The following DCAF8L1 variants were observed in gnomAD, a reference collection of about 807,000 sequenced individuals.
DCAF8L1 encodes the protein DDB1 and CUL4 associated factor 8 like 1.
For missense variants in DCAF8L1, 434 were observed against 481.6 expected (o/e 0.90, Z 0.92); for synonymous variants, 217 against 186.8 (o/e 1.16, Z -1.32).
Position 27,981,359 on chromosome X carries a change from A to G in DCAF8L1, c.-25T>C, listed in dbSNP as rs772134980. ...TCTCGAACGATGTTTGCTGTAGCTG[A>G]TCTGGAACTGGAAAAGCCAACCCCT... is the stretch of plus-strand genomic sequence containing the variant. On this transcript the variant is annotated 5_prime_UTR_variant, in exon 1 of 1. Coordinates refer to ENST00000441525, the MANE Select transcript of DCAF8L1 (RefSeq NM_001017930.2). 1 of 1,191,737 alleles carries G rather than the reference A, an allele frequency of 8.4e-7. No individual in the cohort carries two copies. The highest frequency in any genetic ancestry group is 2.3e-5 in the Admixed American group (1 of 43,702).
rs1333520790 is a variant in DCAF8L1 at position 27,981,202 on chromosome X, C to T, written c.133G>A (p.Glu45Lys). The T allele has an allele frequency of 1.7e-6, 2 of 1,211,831 alleles. No individual in the cohort carries two copies. The highest frequency in any genetic ancestry group is 3.5e-5 in the African/African-American group (2 of 57,803). Residue 45 changes from glutamate to lysine, a missense_variant, in exon 1 of 1, where the codon GAG becomes AAG. Coordinates refer to ENST00000441525, the MANE Select transcript of DCAF8L1 (RefSeq NM_001017930.2). ...ASSDIEMAATEPSTGDGGDTR... is the reference protein window; with the variant it reads ...ASSDIEMAATKPSTGDGGDTR... ...TCACCACCATCTCCGGTCGATGGCT[C>T]TGTGGCTGCCATTTCAATGTCTGAG...
Position 27,979,172 on chromosome X carries a change from C to T in DCAF8L1, c.*360G>A, listed in dbSNP as rs1273365280. ...AAGAACTATGGTTTGCCTTATTTTA[C>T]CTCTAAAGAATAAACACGTTTATGA... On this transcript the variant is annotated 3_prime_UTR_variant, in exon 1 of 1. Transcript: ENST00000441525. 2.7e-5 allele frequency: 7 copies of T among 259,460 alleles called. No homozygotes were observed. Among genetic ancestry groups the T allele is most frequent in the Non-Finnish European group, 4.1e-5 (6 of 147,184 alleles). 21.4% of individuals were successfully genotyped at this position (259,460 alleles called of 1,213,427 possible). A position where few individuals can be genotyped will look rare whatever the true frequency, so the allele number is the denominator to read the frequency against.
In DCAF8L1 at chrX:27,978,211, A is replaced by T. The variant is rs1326750710; in HGVS notation, c.*1321T>A. 1 of 111,302 alleles carries T rather than the reference A, an allele frequency of 9.0e-6. No homozygotes were observed. The highest frequency in any genetic ancestry group is 1.9e-5 in the Non-Finnish European group (1 of 53,096). The allele number at this position is 111,302 out of a possible 1,213,427, so 9.2% of individuals were successfully genotyped here. On this transcript the variant is annotated 3_prime_UTR_variant, in exon 1 of 1. Transcript: ENST00000441525. The stretch of plus-strand genomic sequence containing the variant: ...GCAACAATTTTTAAAACAAACTCAT[A>T]AAACAGCTAAATTTTAAGCAATGCA...
rs1401645275 is a variant in DCAF8L1, at chrX:27,981,330, G to T, written c.5C>A (p.Ser2Tyr). The change falls in exon 1 of 1, where the codon TCC becomes TAC. Residue 2 changes from serine to tyrosine, a missense_variant. By Grantham distance (144) the Ser-to-Tyr change is moderately radical. Transcript: ENST00000441525. Reference sequence around the variant, plus strand: ...GCCACCTGTGCTGCCCTCTTGGTGGGACATCTCGAACGATGTTTGCTGTAG... The same window carrying T: ...GCCACCTGTGCTGCCCTCTTGGTGGTACATCTCGAACGATGTTTGCTGTAG... MSHQEGSTGGLP... is the reference protein window; with the variant it reads MYHQEGSTGGLP... 27 of 1,202,421 alleles carry T rather than the reference G, an allele frequency of 2.2e-5. No individual in the cohort carries two copies. The highest frequency in any genetic ancestry group is 2.9e-5 in the Non-Finnish European group (26 of 891,190).
In DCAF8L1 at chrX:27,980,008, C is replaced by T. The variant is rs779926344; in HGVS notation, c.1327G>A (p.Val443Ile). The change falls in exon 1 of 1, where the codon GTT becomes ATT. Residue 443 changes from valine to isoleucine, a missense_variant. Physicochemically the swap from Val to Ile is conservative, Grantham distance 29. Coordinates refer to ENST00000441525, the MANE Select transcript of DCAF8L1 (RefSeq NM_001017930.2). ...GHRNNDTIKC[V>I]NFYGPRSEFV... ...TCACTCCGGGGGCCATAGAAATTAA[C>T]ACATTTGATTGTGTCATTATTTCTG... is the stretch of plus-strand genomic sequence containing the variant. 4 of 1,211,422 alleles carry T rather than the reference C, an allele frequency of 3.3e-6. No individual in the cohort carries two copies. The South Asian group carries it at 7.0e-5, about 21-fold the overall frequency.
rs1368177318 is a variant in DCAF8L1, at chrX:27,979,890, T to C, written c.1445A>G (p.Asp482Gly). 5.0e-6 allele frequency: 6 copies of C among 1,206,884 alleles called. No individual in the cohort carries two copies. In the South Asian group the frequency reaches 1.1e-4, roughly 21 times the overall value. ...GTGGGGTTCAAGACAGTTTACTATA[T>C]CTCCTCTGTCCCCCTCCATGAACTG... ...IIQFMEGDRGDIVNCLEPHPY... is the reference protein window; with the variant it reads ...IIQFMEGDRGGIVNCLEPHPY... Residue 482 changes from aspartate (D) to glycine (G), a missense_variant, in exon 1 of 1, where the codon GAT (aspartate) becomes GGT (glycine). Coordinates refer to ENST00000441525, the MANE Select transcript of DCAF8L1 (RefSeq NM_001017930.2).
chrX:27,978,004 G>C lies in DCAF8L1; in HGVS notation c.*1528C>G, dbSNP rs1921472243. The stretch of plus-strand genomic sequence containing the variant: ...CAAATAACACATATAAAATAAAAAT[G>C]AATATTTTTATTGAACAGTAATTTA... On this transcript the variant is annotated 3_prime_UTR_variant, in exon 1 of 1. Transcript: ENST00000441525. 1 of 111,774 alleles carries C rather than the reference G, an allele frequency of 8.9e-6. No homozygotes were observed. Among genetic ancestry groups the C allele is most frequent in the African/African-American group, 3.3e-5 (1 of 30,717 alleles). 9.2% of individuals were successfully genotyped at this position (111,774 alleles called of 1,213,427 possible). A position where few individuals can be genotyped will look rare whatever the true frequency, so the allele number is the denominator to read the frequency against.
rs1182065731 is a variant in DCAF8L1 at position 27,978,467 on chromosome X, G to A, written c.*1065C>T. 2 of 114,252 alleles carry A rather than the reference G, an allele frequency of 1.8e-5. No homozygotes were observed. The highest frequency in any genetic ancestry group is 6.5e-5 in the African/African-American group (2 of 30,986). 9.4% of individuals were successfully genotyped at this position (114,252 alleles called of 1,213,427 possible). On this transcript the variant is annotated 3_prime_UTR_variant, in exon 1 of 1. Transcript: ENST00000441525. ...AAAATAAATGTTTTCAAATATGAGA[G>A]ATTTTTATATTCCTATCTGGTATCT...
Position 27,978,173 on chromosome X carries a change from A to C in DCAF8L1, c.*1359T>G, listed in dbSNP as rs1926565245. On this transcript the variant is annotated 3_prime_UTR_variant, in exon 1 of 1. Transcript: ENST00000441525. ...ACCAACTACATCACTTGTAAGTATA[A>C]ACAATTTTTACTGCAACAATTTTTA... 1 of 111,812 alleles carries C rather than the reference A, an allele frequency of 8.9e-6. No homozygotes were observed. The highest frequency in any genetic ancestry group is 3.3e-5 in the African/African-American group (1 of 30,730). The allele number at this position is 111,812 out of a possible 1,213,427, so 9.2% of individuals were successfully genotyped here.
At position 27,980,781 on chromosome X, in the gene DCAF8L1, C is replaced by T. The variant is rs778270304; in HGVS notation, c.554G>A (p.Arg185His). 2.5e-6 allele frequency: 3 copies of T among 1,207,934 alleles called. No homozygotes were observed. The highest frequency in any genetic ancestry group is 3.5e-5 in the African/African-American group (2 of 57,343). ...TCCAAGAAGATACTGCAGGCGGAAA[C>T]GCTGCACAAAGGTTCTTGCCCCACA... is the stretch of plus-strand genomic sequence containing the variant. The part of the protein sequence containing the change: ...EACGARTFVQ[R>H]FRLQYLLGSH... Residue 185 changes from arginine to histidine, a missense_variant, in exon 1 of 1, where the codon CGT (arginine) becomes CAT (histidine). Transcript: ENST00000441525.
At position 27,980,494 on chromosome X, in the gene DCAF8L1, G is replaced by T; in HGVS notation, c.841C>A (p.Arg281Ser). The T allele has an allele frequency of 8.3e-7, 1 of 1,211,950 alleles. No individual in the cohort carries two copies. Among genetic ancestry groups the T allele is most frequent in the East Asian group, 3.0e-5 (1 of 33,806 alleles). ...INASYCENTK[R>S]VAKHRGPAHE... The stretch of plus-strand genomic sequence containing the variant: ...GCAGGTCCCCTGTGCTTGGCCACAC[G>T]CTTAGTATTCTCGCAATATGATGCA... Residue 281 changes from arginine (R) to serine (S), a missense_variant, in exon 1 of 1, where the codon CGT becomes AGT. Arg to Ser is a moderately radical substitution (Grantham distance 110, BLOSUM62 -1). Coordinates refer to ENST00000441525, the MANE Select transcript of DCAF8L1 (RefSeq NM_001017930.2).
In DCAF8L1 at chrX:27,981,243, G is replaced by T; in HGVS notation, c.92C>A (p.Ala31Glu). The T allele has an allele frequency of 8.3e-7, 1 of 1,210,935 alleles. No individual in the cohort carries two copies. Among genetic ancestry groups the T allele is most frequent in the Non-Finnish European group, 1.1e-6 (1 of 895,330 alleles). ...AATGTCTGAGGAGGCCGCCGTCACCGCTGCTACTCCAGACTGCTCCTCTGG... is the reference window on the plus strand; with the variant it reads ...AATGTCTGAGGAGGCCGCCGTCACCTCTGCTACTCCAGACTGCTCCTCTGG... ...SSPEEQSGVA[A>E]VTAASSDIEM... Residue 31 changes from alanine to glutamate, a missense_variant, in exon 1 of 1, where the codon GCG becomes GAG. Physicochemically the swap from Ala to Glu is moderately radical, Grantham distance 107 (BLOSUM62 -1). Transcript: ENST00000441525.
chrX:27,980,697 C>T lies in DCAF8L1; in HGVS notation c.638G>A (p.Ser213Asn), dbSNP rs773938102. Reference protein sequence around the residue: ...HFNQRGTRLASSGDDLRVIVW... With the variant: ...HFNQRGTRLANSGDDLRVIVW... ...TATCACCCTTAAGTCATCACCGCTACTGGCCAGTCGGGTGCCACGCTGGTT... is the reference window on the plus strand; with the variant it reads ...TATCACCCTTAAGTCATCACCGCTATTGGCCAGTCGGGTGCCACGCTGGTT... The change falls in exon 1 of 1, where the codon AGT (serine) becomes AAT (asparagine). Residue 213 changes from serine (S) to asparagine (N), a missense_variant. Transcript: ENST00000441525. 1.7e-6 allele frequency: 2 copies of T among 1,211,713 alleles called. No individual in the cohort carries two copies. Among genetic ancestry groups the T allele is most frequent in the South Asian group, 1.8e-5 (1 of 56,938 alleles).
Position 27,980,981 on chromosome X carries a change from C to G in DCAF8L1, c.354G>C (p.Arg118=), listed in dbSNP as rs751994141. The G allele has an allele frequency of 3.4e-5, 41 of 1,210,239 alleles. No homozygotes were observed. Among genetic ancestry groups the G allele is most frequent in the Non-Finnish European group, 4.5e-5 (40 of 895,250 alleles). Residue 118 remains arginine (R), a synonymous_variant, in exon 1 of 1, where the codon CGG becomes CGC. Transcript: ENST00000441525. ...EEEGEEEEQP[R]MCPRCGGTNH... ...TGGTGCCACCGCATCGTGGACACAT[C>G]CGAGGCTGTTCTTCCTCCTCCCCTT...
At position 27,979,634 on chromosome X, in the gene DCAF8L1, A is replaced by G. The variant is rs780322373; in HGVS notation, c.1701T>C (p.His567=). 7 of 1,211,981 alleles carry G rather than the reference A, an allele frequency of 5.8e-6. No individual in the cohort carries two copies. In the East Asian group the frequency reaches 1.5e-4, roughly 26 times the overall value. Residue 567 remains histidine (H), a synonymous_variant, in exon 1 of 1, where the codon CAT becomes CAC. Transcript: ENST00000441525. ...QRAHQPGWRD[H]GAEFPDEEEL... ...CTTCTTCATCTGGGAACTCAGCTCC[A>G]TGATCTCTCCAGCCGGGTTGATGAG...
In DCAF8L1 at chrX:27,979,719, T is replaced by C; in HGVS notation, c.1616A>G (p.Tyr539Cys). ...KQERDEDNLN[Y>C]TDSFDNRMLR... ...CATGCGGTTGTCAAACGAGTCCGTA[T>C]AGTTCAAGTTGTCTTCATCTCGCTC... The change falls in exon 1 of 1, where the codon TAT (tyrosine) becomes TGT (cysteine). Residue 539 changes from tyrosine to cysteine, a missense_variant. By Grantham distance (194) the Tyr-to-Cys change is radical. Transcript: ENST00000441525. The C allele has an allele frequency of 8.3e-7, 1 of 1,211,139 alleles. No homozygotes were observed. Among genetic ancestry groups the C allele is most frequent in the Non-Finnish European group, 1.1e-6 (1 of 895,231 alleles).
At position 27,980,000 on chromosome X, in the gene DCAF8L1, G is replaced by T. The variant is rs773615533; in HGVS notation, c.1335C>A (p.Phe445Leu). Residue 445 changes from phenylalanine (F) to leucine (L), a missense_variant, in exon 1 of 1, where the codon TTC becomes TTA. Coordinates refer to ENST00000441525, the MANE Select transcript of DCAF8L1 (RefSeq NM_001017930.2). The stretch of plus-strand genomic sequence containing the variant: ...CGACAAACTCACTCCGGGGGCCATA[G>T]AAATTAACACATTTGATTGTGTCAT... Reference protein sequence around the residue: ...RNNDTIKCVNFYGPRSEFVVS... With the variant: ...RNNDTIKCVNLYGPRSEFVVS... The T allele has an allele frequency of 4.1e-6, 5 of 1,208,980 alleles. No homozygotes were observed. The highest frequency in any genetic ancestry group is 4.5e-6 in the Non-Finnish European group (4 of 895,064).
chrX:27,979,038 C>G lies in DCAF8L1; in HGVS notation c.*494G>C, dbSNP rs1926582088. 1 of 415,175 alleles carries G rather than the reference C, an allele frequency of 2.4e-6. No individual in the cohort carries two copies. The highest frequency in any genetic ancestry group is 4.3e-6 in the Non-Finnish European group (1 of 234,490). The allele number at this position is 415,175 out of a possible 1,213,427, so 34.2% of individuals were successfully genotyped here. ...ACTTTCTTATTCTTCTCTCTTGTTA[C>G]TACAACTTTTGAAGCTGTGTGTGTG... On this transcript the variant is annotated 3_prime_UTR_variant, in exon 1 of 1. Coordinates refer to ENST00000441525, the MANE Select transcript of DCAF8L1 (RefSeq NM_001017930.2).
rs1401378450 is a variant in DCAF8L1 at position 27,978,050 on chromosome X, A to G, written c.*1482T>C. 1 of 112,564 alleles carries G rather than the reference A, an allele frequency of 8.9e-6. No individual in the cohort carries two copies. The highest frequency in any genetic ancestry group is 3.2e-5 in the African/African-American group (1 of 30,975). The allele number at this position is 112,564 out of a possible 1,213,427, so 9.3% of individuals were successfully genotyped here. A position where few individuals can be genotyped will look rare whatever the true frequency, so the allele number is the denominator to read the frequency against. The stretch of plus-strand genomic sequence containing the variant: ...ATTTAACATCTAGTAACTTAAATTT[A>G]TATTAAGTAAAGCTTAAGACAATTT... On this transcript the variant is annotated 3_prime_UTR_variant, in exon 1 of 1. Transcript: ENST00000441525.
Sources: allele counts gnomAD v4.1 joint callset, GRCh38; gene constraint gnomAD v4.1.1; transcripts MANE v1.5; gene names NCBI Gene and HGNC (gene_info 2026-07-23, HGNC 2026-07-21).